The following PACRG variants were observed in gnomAD, a reference collection of about 807,000 sequenced individuals.
PACRG encodes parkin coregulated, also known as parkin coregulated gene protein.
A neutral mutation model predicts 29.7 loss-of-function variants in PACRG; 29 were observed. The ratio of observed to expected loss-of-function variants is 0.98; its 90% CI spans 0.73 to 1.33. PACRG has a LOEUF of 1.33. Ranked by LOEUF, PACRG falls within the 40% of genes most tolerant of loss-of-function variation. The pLI is 0.00. For synonymous variants in PACRG, 116 were observed against 118.7 expected (o/e 0.98, Z 0.15); for missense variants, 279 against 316.2 (o/e 0.88, Z 0.89).
rs142255008 is a variant in PACRG at position 163,263,490 on chromosome 6, G to A, written c.614-51337G>A. Among the ~76,000 whole-genome samples the A allele has an allele frequency of 2.6e-5, 4 of 152,296 alleles. No homozygotes were observed. The East Asian group carries it at 7.7e-4, about 29-fold the overall frequency. On this transcript the variant is annotated intron_variant, in intron 4 of 4. Coordinates refer to ENST00000366888, the MANE Select transcript of PACRG (RefSeq NM_001080379.2). The stretch of plus-strand genomic sequence containing the variant: ...AAAGCTACAGTGAAAGGTCAAGTCT[G>A]TGCAGAAATATGTGACTATTGAACA...
rs530315430 is a variant in PACRG, at chr6:162,876,902, G to C, written c.291+62621G>C. On this transcript the variant is annotated intron_variant, in intron 2 of 4. Coordinates refer to ENST00000366888, the MANE Select transcript of PACRG (RefSeq NM_001080379.2). ...AATTTTTGTATAAGGTGTAAGGAAG[G>C]GGTCCACGCCAGTTAGAATAAAGTC... Among the ~76,000 whole-genome samples the C allele has an allele frequency of 2.3e-3, 355 of 152,250 alleles. 4 individuals are homozygous for C. The highest frequency in any genetic ancestry group is 3.2e-3 in the Non-Finnish European group (217 of 68,006).
intron 4 of PACRG, chr6:163,245,188 G>A: frequency 3.1e-6 from 1 of 322,508 alleles, no homozygotes; most frequent in East Asian, 8.2e-5. Flanking sequence ...CCCCTAGGAT[G>A]TTCTACGTAC....
At chr6:162,915,728 A>G (rs569963430) in intron 2 of PACRG, among the ~76,000 whole-genome samples, 3 of 152,196 alleles carry the variant, frequency 2.0e-5, no homozygotes, top group Non-Finnish European at 4.4e-5. Flanking sequence ...ATGTATTACA[A>G]TATATATACC....
chr6:163,024,231 G>T (rs1443409957), intron 2 of PACRG, among the ~76,000 whole-genome samples: 1 of 152,100 alleles, frequency 6.6e-6, no homozygotes, highest in Non-Finnish European at 1.5e-5. Context: ...AATCTATTTT[G>T]AATTAATTTT....
At chr6:162,851,084 G>A (rs1024809065) in intron 2 of PACRG, among the ~76,000 whole-genome samples, 2 of 152,226 alleles carry the variant, frequency 1.3e-5, no homozygotes, top group African/African-American at 4.8e-5. Flanking sequence ...GCGGCAGTGG[G>A]GTGAGAGCGG....
chr6:162,780,523 A>G (rs937733535), intron 1 of PACRG, among the ~76,000 whole-genome samples: 1 of 152,200 alleles, frequency 6.6e-6, no homozygotes, highest in Non-Finnish European at 1.5e-5. Flanking sequence ...CCAATTAAAA[A>G]TTATCAGACA....
chr6:163,150,558 T>G (rs1045851679), intron 4 of PACRG, among the ~76,000 whole-genome samples: 1 of 151,944 alleles, frequency 6.6e-6, no homozygotes, highest in Non-Finnish European at 1.5e-5. Context: ...GAGTTTAAAG[T>G]CAATTCAATA....
At chr6:163,287,631 C>T (rs1471215511) in intron 4 of PACRG, among the ~76,000 whole-genome samples, 5 of 152,222 alleles carry the variant, frequency 3.3e-5, no homozygotes, top group East Asian at 1.9e-4. Flanking sequence ...TGACCATTTA[C>T]ACAGATAGTC....
intron 4 of PACRG, chr6:163,184,874 G>T (rs1473243939): frequency 1.3e-5 from 2 of 152,200 alleles, no homozygotes; most frequent in East Asian, 3.9e-4. Context: ...GTACACCAGT[G>T]AATGGGAATG....
intron 2 of PACRG, among the ~76,000 whole-genome samples, chr6:163,031,988 T>C (rs1807711075): frequency 6.6e-6 from 1 of 152,182 alleles, no homozygotes. Context: ...AAATAACCAG[T>C]TTCTCCAATT....
At chr6:163,297,982 G>A (rs1031172653) in intron 4 of PACRG, among the ~76,000 whole-genome samples, 3 of 151,992 alleles carry the variant, frequency 2.0e-5, no homozygotes, top group Non-Finnish European at 2.9e-5. Context: ...CCAATTCTTC[G>A]GTGCCCAAGG....
chr6:163,092,754 G>A (rs1228405409), intron 4 of PACRG, among the ~76,000 whole-genome samples: 3 of 152,110 alleles, frequency 2.0e-5, no homozygotes, highest in Admixed American at 1.3e-4. Context: ...GTCCATGACC[G>A]GGTATTAATG....
intron 4 of PACRG, among the ~76,000 whole-genome samples, chr6:163,308,222 A>C (rs1259958225): frequency 6.6e-6 from 1 of 152,224 alleles, no homozygotes; most frequent in Non-Finnish European, 1.5e-5. Flanking sequence ...TTTTAGCAAT[A>C]TGTTATCTGT....
intron 4 of PACRG, among the ~76,000 whole-genome samples, chr6:163,134,069 C>G (rs971128104): frequency 1.3e-5 from 2 of 152,144 alleles, no homozygotes; most frequent in Non-Finnish European, 2.9e-5. Context: ...CACATTCTAC[C>G]AACATTCTAC....
At chr6:163,313,104 A>G (rs1214378344) in intron 4 of PACRG, among the ~76,000 whole-genome samples, 1 of 145,908 alleles carries the variant, frequency 6.9e-6, no homozygotes, top group Non-Finnish European at 1.5e-5. Context: ...GTGTGTGTAT[A>G]TATATATACA....
At chr6:162,765,839 A>G (rs1207140080) in intron 1 of PACRG, among the ~76,000 whole-genome samples, 3 of 152,102 alleles carry the variant, frequency 2.0e-5, no homozygotes, top group South Asian at 4.1e-4. Context: ...ACATATAACT[A>G]TTTAATATTT....
At chr6:163,146,201 C>G (rs1314384434) in intron 4 of PACRG, among the ~76,000 whole-genome samples, 1 of 152,086 alleles carries the variant, frequency 6.6e-6, no homozygotes, top group East Asian at 1.9e-4. Context: ...CAGGAGATGC[C>G]GTCGGTAGCC....
intron 4 of PACRG, among the ~76,000 whole-genome samples, chr6:163,238,879 T>C (rs1229762413): frequency 6.6e-6 from 1 of 152,254 alleles, no homozygotes; most frequent in Non-Finnish European, 1.5e-5. Context: ...TCCTTCATAC[T>C]TGAGTTAATC....
intron 4 of PACRG, among the ~76,000 whole-genome samples, chr6:163,256,839 C>T (rs539414362): frequency 1.3e-5 from 2 of 152,322 alleles, no homozygotes; most frequent in South Asian, 4.1e-4. Context: ...AGACACTTAT[C>T]CTCTCACAGT....
Sources: allele counts gnomAD v4.1 joint callset (sites outside exome capture counted in the v4.1 genomes callset), GRCh38; gene constraint gnomAD v4.1.1; transcripts MANE v1.5; gene names NCBI Gene and HGNC (gene_info 2026-07-23, HGNC 2026-07-21).